Variants in TRPC7 observed in about 807,000 individuals in gnomAD.
TRPC7 encodes transient receptor potential cation channel subfamily C member 7.
Under a neutral mutation model 90.1 loss-of-function variants are expected in TRPC7, and 42 were observed. That is an observed-to-expected ratio of 0.47 (90% CI 0.36 to 0.60). The LOEUF (loss-of-function observed/expected upper bound fraction) is 0.60, where lower values mean the gene tolerates loss of function less well. Ranked by LOEUF, TRPC7 falls within the 20% of genes least tolerant of loss-of-function variation. The pLI is 0.00. For missense variants in TRPC7, 955 were observed against 1,112.3 expected, an observed-to-expected ratio of 0.86 and a Z score of 2.01; for synonymous variants, 451 against 436.3, an observed-to-expected ratio of 1.03 and a Z score of -0.42.
chr5:136,227,921 A>G (rs771702682), intron 8 of TRPC7, among the ~76,000 whole-genome samples: 43 of 152,296 alleles, frequency 2.8e-4, no homozygotes, highest in Middle Eastern at 3.4e-3. Context: ...AATAAATGTG[A>G]TTTGCATCTC....
chr5:136,231,218 G>A, intron 8 of TRPC7, 136 bp downstream of exon 8: 1 of 804,638 alleles, frequency 1.2e-6, no homozygotes, highest in Non-Finnish European at 1.9e-6. Context: ...AGCAATCCAG[G>A]AAGAATGCCT....
chr5:136,303,324 A>G (rs1224737365), intron 3 of TRPC7, among the ~76,000 whole-genome samples: 2 of 152,088 alleles, frequency 1.3e-5, no homozygotes, highest in African/African-American at 4.8e-5. Context: ...TTTATTACCC[A>G]ATCTGCTCCT....
intron 8 of TRPC7, among the ~76,000 whole-genome samples, chr5:136,228,555 G>A (rs1755707948): frequency 6.6e-6 from 1 of 151,652 alleles, no homozygotes; most frequent in Non-Finnish European, 1.5e-5. Context: ...CTGCTGGGGA[G>A]GCGGGATGAG....
At chr5:136,352,874 A>G (rs1031514664) in intron 2 of TRPC7, among the ~76,000 whole-genome samples, 3 of 152,202 alleles carry the variant, frequency 2.0e-5, no homozygotes, top group African/African-American at 7.2e-5. Flanking sequence ...GTTTCTTTAG[A>G]GCTTCCTCGT....
intron 5 of TRPC7, among the ~76,000 whole-genome samples, chr5:136,265,991 AT>A (rs1580879182): frequency 2.0e-5 from 3 of 152,294 alleles, no homozygotes; most frequent in Admixed American, 6.5e-5. Flanking sequence ...TACTTAAAAA[AT>A]TTCTGTCCCC....
chr5:136,363,033 G>T (rs1401554562), intron 1 of TRPC7, among the ~76,000 whole-genome samples: 1 of 152,124 alleles, frequency 6.6e-6, no homozygotes, highest in African/African-American at 2.4e-5. Flanking sequence ...ATAATTCTAT[G>T]ACTGTTATTT....
chr5:136,246,659 C>T (rs764909882), intron 7 of TRPC7, among the ~76,000 whole-genome samples: 3 of 152,220 alleles, frequency 2.0e-5, no homozygotes, highest in Non-Finnish European at 4.4e-5. Context: ...TCTTCACTTT[C>T]CTTTTTCCTT....
At position 136,299,242 on chromosome 5, in the gene TRPC7, G is replaced by A. The variant is rs563949003; in HGVS notation, c.963+16355C>T. Among the ~76,000 whole-genome samples, 5 of 151,682 alleles carry A rather than the reference G, an allele frequency of 3.3e-5. No individual in the cohort carries two copies. In the East Asian group the frequency reaches 9.7e-4, roughly 29 times the overall value. On this transcript the variant is annotated intron_variant, in intron 3 of 11. Transcript: ENST00000513104. ...CTTGAACTTGGGAGGTGGAGGTTGC[G>A]GTGAGCTGAGATCACACCATTGCAC...
At chr5:136,330,133 C>T (rs1759457423) in intron 2 of TRPC7, among the ~76,000 whole-genome samples, 1 of 152,198 alleles carries the variant, frequency 6.6e-6, no homozygotes, top group African/African-American at 2.4e-5. Context: ...TACATGGAAG[C>T]AGTCCCACCT....
Position 136,251,884 on chromosome 5 carries a change from T to C in TRPC7, c.1346-2A>G. 1.2e-6 allele frequency: 2 copies of C among 1,612,464 alleles called. No individual in the cohort carries two copies. The highest frequency in any genetic ancestry group is 1.7e-6 in the Non-Finnish European group (2 of 1,178,606). On this transcript the variant is annotated splice_acceptor_variant, in intron 5 of 11. Transcript: ENST00000513104. LOFTEE classifies it high-confidence loss of function. ...CCTTGCATTCGGACCAAATCATTCC[T>C]GTGGGAGAAGGAGAAGGCCAGGCTC...
chr5:136,347,172 A>G (rs942039973), intron 2 of TRPC7, among the ~76,000 whole-genome samples: 1 of 152,204 alleles, frequency 6.6e-6, no homozygotes, highest in African/African-American at 2.4e-5. Flanking sequence ...TTGGACCTCT[A>G]GCCCTCAGTA....
At chr5:136,335,662 G>A (rs1189631052) in intron 2 of TRPC7, among the ~76,000 whole-genome samples, 2 of 151,888 alleles carry the variant, frequency 1.3e-5, no homozygotes, top group African/African-American at 4.8e-5. Context: ...CCAGCACTTT[G>A]GGAGGCCGAG....
At chr5:136,361,950 C>T (rs1304514761) in intron 1 of TRPC7, among the ~76,000 whole-genome samples, 1 of 152,130 alleles carries the variant, frequency 6.6e-6, no homozygotes, top group Non-Finnish European at 1.5e-5. Context: ...TAAATAATGT[C>T]TACCAAATGC....
At chr5:136,354,713 T>G (rs1162157485) in intron 2 of TRPC7, among the ~76,000 whole-genome samples, 3 of 152,250 alleles carry the variant, frequency 2.0e-5, no homozygotes, top group Admixed American at 2.0e-4. Flanking sequence ...ACCTTAAAAG[T>G]GCTCAGCCTG....
intron 3 of TRPC7, among the ~76,000 whole-genome samples, chr5:136,288,004 C>T (rs1394890699): frequency 1.3e-5 from 2 of 152,106 alleles, no homozygotes; most frequent in Non-Finnish European, 1.5e-5. Context: ...ATGCTAAGAG[C>T]CAACATTTAT....
chr5:136,263,113 G>C (rs528888136), intron 5 of TRPC7, among the ~76,000 whole-genome samples: 11 of 152,200 alleles, frequency 7.2e-5, no homozygotes, highest in Non-Finnish European at 1.3e-4. Flanking sequence ...CTGCCAAGGA[G>C]CTAAAAGCCG....
At chr5:136,225,986 G>GC in intron 9 of TRPC7, 48 bp downstream of exon 9, 2 of 1,495,238 alleles carry the variant, frequency 1.3e-6, no homozygotes, top group Non-Finnish European at 1.8e-6. Context: ...AGACTCGCCT[G>GC]CCCCCTCCTG....
At chr5:136,241,378 G>A (rs945943297) in intron 7 of TRPC7, among the ~76,000 whole-genome samples, 1 of 152,234 alleles carries the variant, frequency 6.6e-6, no homozygotes, top group African/African-American at 2.4e-5. Flanking sequence ...CTCCAATCAG[G>A]ATTGAGTCTG....
intron 3 of TRPC7, among the ~76,000 whole-genome samples, chr5:136,282,557 T>C (rs1757580446): frequency 6.6e-6 from 1 of 152,246 alleles, no homozygotes; most frequent in African/African-American, 2.4e-5. Context: ...ACTTGATGCT[T>C]TTATTTGTAT....
Sources: allele counts gnomAD v4.1 joint callset (sites outside exome capture counted in the v4.1 genomes callset), GRCh38; gene constraint gnomAD v4.1.1; transcripts MANE v1.5; gene names NCBI Gene and HGNC (gene_info 2026-07-23, HGNC 2026-07-21).